The following TBC1D1 variants were observed in gnomAD, a reference collection of about 807,000 sequenced individuals.
TBC1D1 encodes TBC1 (tre-2/USP6, BUB2, cdc16) domain family, member 1.
A neutral mutation model predicts 125.6 loss-of-function variants in TBC1D1; 89 were observed. That is an observed-to-expected ratio of 0.71 (90% CI 0.60 to 0.85). The LOEUF is 0.85. Ranked by LOEUF, TBC1D1 falls within the 40% of genes least tolerant of loss-of-function variation. The pLI is 0.00. For missense variants in TBC1D1, 1,377 were observed against 1,469.2 expected, an observed-to-expected ratio of 0.94 and a Z score of 1.03; for synonymous variants, 565 against 564.1, an observed-to-expected ratio of 1.00 and a Z score of -0.02.
intron 2 of TBC1D1, among the ~76,000 whole-genome samples, chr4:37,912,428 G>A (rs186507354): frequency 4.6e-5 from 7 of 152,330 alleles, no homozygotes; most frequent in Admixed American, 4.6e-4. Context: ...CTGGGTTAGA[G>A]TTTTACAACT....
Position 38,014,674 on chromosome 4 carries a change from G to T in TBC1D1, c.583G>T (p.Glu195Ter), listed in dbSNP as rs769257567. 6.2e-7 allele frequency: 1 copy of T among 1,613,162 alleles called. No individual in the cohort carries two copies. The highest frequency in any genetic ancestry group is 2.2e-5 in the East Asian group (1 of 44,882). ...GAAGGCTCCGCCGGCCCTGATCGAC[G>T]AGTGCATCGAGAAGTTCAATCACGT... is the stretch of plus-strand genomic sequence containing the variant. Residue 195 changes from glutamate to a stop codon, truncating the protein, a stop_gained, in exon 3 of 20, where the codon GAG (glutamate) becomes TAG (stop). Transcript: ENST00000261439. LOFTEE classifies it high-confidence loss of function. This position sits in a 1 kb window ranked among gnomAD's most constrained non-coding sequence, Gnocchi z 5.1.
chr4:37,963,092 A>G (rs1392852373), intron 2 of TBC1D1, among the ~76,000 whole-genome samples: 1 of 152,210 alleles, frequency 6.6e-6, no homozygotes, highest in Non-Finnish European at 1.5e-5. Context: ...GCTACAGTCC[A>G]TAAAAATCAT....
chr4:37,903,969 A>G (rs1716738188), intron 2 of TBC1D1, among the ~76,000 whole-genome samples: 1 of 152,222 alleles, frequency 6.6e-6, no homozygotes, highest in Non-Finnish European at 1.5e-5. Flanking sequence ...GTTATTGTCC[A>G]CACATCTCAA....
intron 2 of TBC1D1, among the ~76,000 whole-genome samples, chr4:37,992,390 A>G (rs1486639763): frequency 6.6e-6 from 1 of 152,200 alleles, no homozygotes; most frequent in Non-Finnish European, 1.5e-5. Context: ...CCAGTTACCT[A>G]GAAGGCATTT....
At chr4:37,923,141 G>A (rs1721376772) in intron 2 of TBC1D1, among the ~76,000 whole-genome samples, 1 of 151,932 alleles carries the variant, frequency 6.6e-6, no homozygotes, top group African/African-American at 2.4e-5. Flanking sequence ...GGTGTGTGAT[G>A]TTCCCCTCCC....
intron 11 of TBC1D1, 47 bp downstream of exon 13, chr4:38,053,272 G>A: frequency 7.4e-7 from 1 of 1,350,250 alleles, no homozygotes; most frequent in South Asian, 2.0e-5. Context: ...ACTAAGTGTT[G>A]AATATCATTA....
intron 2 of TBC1D1, among the ~76,000 whole-genome samples, chr4:37,948,276 A>G (rs1400340524): frequency 6.6e-6 from 1 of 152,216 alleles, no homozygotes; most frequent in East Asian, 1.9e-4. Context: ...GGCATTTTGT[A>G]TCAAGTACAG....
At chr4:37,943,205 G>T (rs1725949669) in intron 2 of TBC1D1, among the ~76,000 whole-genome samples, 1 of 151,614 alleles carries the variant, frequency 6.6e-6, no homozygotes, top group South Asian at 2.1e-4. Flanking sequence ...CGAGAGATCT[G>T]CTGTTAGTCT....
At chr4:38,136,231 C>G (rs1298187749) in intron 19 of TBC1D1, among the ~76,000 whole-genome samples, 1 of 152,212 alleles carries the variant, frequency 6.6e-6, no homozygotes, top group Admixed American at 6.5e-5. Context: ...TAGAAAGATA[C>G]ACCTGGAAGT....
intron 12 of TBC1D1, among the ~76,000 whole-genome samples, chr4:38,071,908 A>G (rs1464483526): frequency 6.6e-6 from 1 of 152,206 alleles, no homozygotes; most frequent in Non-Finnish European, 1.5e-5. Flanking sequence ...CCCAGGAGCC[A>G]TGATTTGCAC....
chr4:38,071,032 A>G (rs774023749), intron 12 of TBC1D1, among the ~76,000 whole-genome samples: 5 of 152,180 alleles, frequency 3.3e-5, no homozygotes, highest in African/African-American at 4.8e-5. Context: ...CTTTTCTTCT[A>G]TGGAGTTATT....
chr4:38,021,509 A>G (rs952635078), intron 5 of TBC1D1, 77 bp from the exon 6 acceptor site: 6 of 1,349,150 alleles, frequency 4.4e-6, no homozygotes, highest in South Asian at 1.7e-5. Flanking sequence ...ATCTTTTCCA[A>G]AGATTTTCTG....
Position 38,045,832 on chromosome 4 carries a change from G to A in TBC1D1, c.1558G>A (p.Gly520Ser). Residue 520 changes from glycine to serine, a missense_variant, in exon 10 of 20, where the codon GGC becomes AGC. Coordinates refer to ENST00000261439, the MANE Select transcript of TBC1D1 (RefSeq NM_015173.4). ...CTTTATGTAGGGTAATAAAGCCAGA[G>A]GCCTGCAGGAACACTCCATCAGTGT... 6.2e-7 allele frequency: 1 copy of A among 1,614,132 alleles called. No individual in the cohort carries two copies. The highest frequency in any genetic ancestry group is 2.2e-5 in the East Asian group (1 of 44,884).
intron 2 of TBC1D1, among the ~76,000 whole-genome samples, chr4:37,938,120 C>A (rs1724780376): frequency 6.6e-6 from 1 of 152,046 alleles, no homozygotes; most frequent in East Asian, 1.9e-4. Flanking sequence ...GTGGTACACA[C>A]CTATAGTCCC....
chr4:37,932,414 G>A (rs1305663717), intron 2 of TBC1D1, among the ~76,000 whole-genome samples: 1 of 152,126 alleles, frequency 6.6e-6, no homozygotes, highest in African/African-American at 2.4e-5. Context: ...CCTCATTGAT[G>A]CTTAGAGAAA....
intron 11 of TBC1D1, 64 bp from the exon 13 acceptor site, chr4:38,053,042 A>G: frequency 2.6e-6 from 3 of 1,164,534 alleles, no homozygotes; most frequent in Non-Finnish European, 3.3e-6. Flanking sequence ...TTTGAAGCTT[A>G]TATTTTATAC....
intron 12 of TBC1D1, among the ~76,000 whole-genome samples, chr4:38,075,905 T>G (rs547960753): frequency 6.6e-6 from 1 of 152,334 alleles, no homozygotes; most frequent in African/African-American, 2.4e-5. Context: ...CTTTTTGTTT[T>G]TTTTCCCTTG....
At chr4:38,094,779 C>T (rs1322797632) in intron 13 of TBC1D1, among the ~76,000 whole-genome samples, 4 of 151,586 alleles carry the variant, frequency 2.6e-5, no homozygotes, top group Non-Finnish European at 5.9e-5. Flanking sequence ...CCAGTGCTGC[C>T]GCCAGTTGCA....
chr4:37,921,109 C>CAA (rs1188232681), intron 2 of TBC1D1, among the ~76,000 whole-genome samples: 1,306 of 71,694 alleles, frequency 0.018, 79 homozygotes, highest in African/African-American at 0.06. Context: ...GACTCCGTCT[C>CAA]AAAAAAAAAA....
Sources: allele counts gnomAD v4.1 joint callset (sites outside exome capture counted in the v4.1 genomes callset), GRCh38; gene constraint gnomAD v4.1.1; non-coding constraint Gnocchi (gnomAD v3.1); transcripts MANE v1.5; gene names NCBI Gene and HGNC (gene_info 2026-07-23, HGNC 2026-07-21).